The following KAZN variants were observed in gnomAD, a reference collection of about 807,000 sequenced individuals.
KAZN encodes the protein kazrin.
Under a neutral mutation model 87.4 loss-of-function variants are expected in KAZN, and 40 were observed. That is an observed-to-expected ratio of 0.46 (90% CI 0.36 to 0.60). The LOEUF is 0.60. KAZN is among the 20% of genes least tolerant of loss of function. The pLI is 0.00. For missense variants in KAZN, 898 were observed against 1,073.9 expected, an observed-to-expected ratio of 0.84 and a Z score of 2.29; for synonymous variants, 466 against 458.3, an observed-to-expected ratio of 1.02 and a Z score of -0.22.
At chr1:14,731,481 C>T (rs1643675413) in intron 1 of KAZN, among the ~76,000 whole-genome samples, 1 of 152,188 alleles carries the variant, frequency 6.6e-6, no homozygotes, top group Non-Finnish European at 1.5e-5. Flanking sequence ...GGTTCCCCTC[C>T]TCTCTTTTTC....
chr1:14,143,298 A>G (rs1262727102), intron 1 of KAZN, among the ~76,000 whole-genome samples: 1 of 152,186 alleles, frequency 6.6e-6, no homozygotes, highest in African/African-American at 2.4e-5. Flanking sequence ...GAGGCTTGAC[A>G]TGGAAAACAC....
intron 2 of KAZN, among the ~76,000 whole-genome samples, chr1:14,191,609 T>G (rs1646421134): frequency 6.6e-6 from 1 of 152,154 alleles, no homozygotes; most frequent in Non-Finnish European, 1.5e-5. Flanking sequence ...CTGCTGATCA[T>G]TGGAGTTATG....
Position 14,960,672 on chromosome 1 carries a change from C to T in KAZN, c.227-12C>T, listed in dbSNP as rs41301991. ...CGTTCCTGTCCTCTAACCCTGTGCC[C>T]TTCTCCCCTAGTGCTCCTGCGGGAA... On this transcript the variant is annotated splice_polypyrimidine_tract_variant and intron_variant, in intron 1 of 14. Transcript: ENST00000376030. 0.027 allele frequency: 42,110 copies of T among 1,557,422 alleles called. 883 individuals are homozygous for T. The highest frequency in any genetic ancestry group is 0.093 in the East Asian group (3,856 of 41,686).
At chr1:14,825,715 A>G (rs1322317169) in intron 1 of KAZN, among the ~76,000 whole-genome samples, 1 of 152,138 alleles carries the variant, frequency 6.6e-6, no homozygotes, top group African/African-American at 2.4e-5. Flanking sequence ...CCCAAGCTGC[A>G]TTCATCCCAT....
intron 1 of KAZN, among the ~76,000 whole-genome samples, chr1:14,685,057 G>C (rs1451332629): frequency 6.6e-6 from 1 of 152,142 alleles, no homozygotes; most frequent in Non-Finnish European, 1.5e-5. Context: ...GGCTCTCTTA[G>C]TTTGGGTTCC....
intron 2 of KAZN, among the ~76,000 whole-genome samples, chr1:14,315,184 C>G (rs1344085011): frequency 6.6e-6 from 1 of 152,004 alleles, no homozygotes; most frequent in African/African-American, 2.4e-5. Flanking sequence ...TTCCCTTGTT[C>G]TTTATCTGTC....
intron 1 of KAZN, among the ~76,000 whole-genome samples, chr1:14,601,993 A>G (rs1342782973): frequency 5.3e-5 from 8 of 152,144 alleles, no homozygotes; most frequent in Admixed American, 5.2e-4. Context: ...TCATTTTCAA[A>G]TGTTTTTGTT....
At chr1:14,121,274 C>T (rs1261175241) in intron 1 of KAZN, among the ~76,000 whole-genome samples, 1 of 152,288 alleles carries the variant, frequency 6.6e-6, no homozygotes, top group South Asian at 2.1e-4. Context: ...CCTTAAAAAC[C>T]TCTTCTGTTG....
chr1:14,646,800 A>G lies in KAZN; in HGVS notation c.226+47577A>G, dbSNP rs1258839374. Among the ~76,000 whole-genome samples, 6 of 152,160 alleles carry G rather than the reference A, an allele frequency of 3.9e-5. No homozygotes were observed. In the South Asian group the frequency reaches 1.2e-3, roughly 32 times the overall value. Reference sequence around the variant, plus strand: ...ATTATTTACAACTAAATAATTTCCCATTAGTTGTTTCCTTTCTCAGAGACC... The same window carrying G: ...ATTATTTACAACTAAATAATTTCCCGTTAGTTGTTTCCTTTCTCAGAGACC... On this transcript the variant is annotated intron_variant, in intron 1 of 14. Coordinates refer to ENST00000376030, the MANE Select transcript of KAZN (RefSeq NM_201628.3).
At chr1:14,596,835 C>T (rs549108071), upstream of KAZN, among the ~76,000 whole-genome samples, 11 of 152,350 alleles carry the variant, frequency 7.2e-5, no homozygotes, top group Non-Finnish European at 1.2e-4. Flanking sequence ...TTCATCCAAT[C>T]ATCTGTTGAT....
intron 1 of KAZN, among the ~76,000 whole-genome samples, chr1:14,018,040 T>C (rs1008184057): frequency 2.0e-5 from 3 of 152,158 alleles, no homozygotes; most frequent in African/African-American, 7.2e-5. Flanking sequence ...TTCCCTATGA[T>C]TAAATTATTA....
rs1361753088 is a variant in KAZN at position 15,109,549 on chromosome 1, C to G, written c.2049-2878C>G. ...GTAAGATGTAATTGTAGCAATTACT[C>G]TTTCTATTGTTACTCAGAGCTTAAT... On this transcript the variant is annotated intron_variant, in intron 13 of 14. Transcript: ENST00000376030. Among the ~76,000 whole-genome samples the G allele has an allele frequency of 2.6e-5, 4 of 152,194 alleles. No homozygotes were observed. In the East Asian group the frequency reaches 7.7e-4, roughly 29 times the overall value.
chr1:14,523,542 A>G (rs754825162), intron 2 of KAZN, among the ~76,000 whole-genome samples: 1 of 152,234 alleles, frequency 6.6e-6, no homozygotes, highest in Non-Finnish European at 1.5e-5. Context: ...AATAATTACC[A>G]CGAGGGACAC....
intron 1 of KAZN, among the ~76,000 whole-genome samples, chr1:14,885,000 G>T (rs1349537610): frequency 6.6e-6 from 1 of 152,200 alleles, no homozygotes. Flanking sequence ...CTCACCGAGG[G>T]AGTCCACCAG....
chr1:13,966,808 G>A (rs957608599), intron 1 of KAZN, among the ~76,000 whole-genome samples: 1 of 152,156 alleles, frequency 6.6e-6, no homozygotes, highest in Non-Finnish European at 1.5e-5. Flanking sequence ...TGTTGACCTG[G>A]TTGTTTTTTG....
At chr1:14,235,167 T>C (rs1352053493) in intron 2 of KAZN, among the ~76,000 whole-genome samples, 1 of 152,136 alleles carries the variant, frequency 6.6e-6, no homozygotes, top group African/African-American at 2.4e-5. Flanking sequence ...ATACAAAATG[T>C]AGTATAACGA....
rs142282378 is a variant in KAZN, at chr1:14,919,880, T to C, written c.227-40804T>C. On this transcript the variant is annotated intron_variant, in intron 1 of 14. Transcript: ENST00000376030. Reference sequence around the variant, plus strand: ...AGTGACATGTTGTACATAGGAGCAATAGACTATACCATATAGCCTAGGTGT... The same window carrying C: ...AGTGACATGTTGTACATAGGAGCAACAGACTATACCATATAGCCTAGGTGT... Among the ~76,000 whole-genome samples, 574 of 152,288 alleles carry C rather than the reference T, an allele frequency of 3.8e-3. 5 individuals carry two copies. Among genetic ancestry groups the C allele is most frequent in the Non-Finnish European group, 5.5e-3 (377 of 68,028 alleles).
chr1:14,252,276 T>C (rs542229988), intron 2 of KAZN, among the ~76,000 whole-genome samples: 4 of 152,238 alleles, frequency 2.6e-5, no homozygotes, highest in Non-Finnish European at 4.4e-5. Flanking sequence ...GTTTCCTTGC[T>C]AGTCATAAGC....
At chr1:14,829,919 G>A (rs1358851307) in intron 1 of KAZN, among the ~76,000 whole-genome samples, 1 of 152,212 alleles carries the variant, frequency 6.6e-6, no homozygotes, top group African/African-American at 2.4e-5. Context: ...TTTGCTAGTG[G>A]GAAGCAGGTA....
Sources: allele counts gnomAD v4.1 joint callset (sites outside exome capture counted in the v4.1 genomes callset), GRCh38; gene constraint gnomAD v4.1.1; transcripts MANE v1.5; gene names NCBI Gene and HGNC (gene_info 2026-07-23, HGNC 2026-07-21).